MECOM: variants seen among roughly 807,000 people sequenced by gnomAD.
The protein encoded by MECOM is histone-lysine N-methyltransferase MECOM.
In MECOM, 13 loss-of-function variants were observed where a neutral mutation model predicts 116.3. The ratio of observed to expected loss-of-function variants is 0.11; its 90% CI spans 0.07 to 0.18. The LOEUF is 0.18. MECOM is among the 10% of genes least tolerant of loss of function. The pLI is 1.00. For missense variants in MECOM, 1,299 were observed against 1,509.0 expected, an observed-to-expected ratio of 0.86 and a Z score of 2.31; for synonymous variants, 528 against 535.2, an observed-to-expected ratio of 0.99 and a Z score of 0.19.
intron 2 of MECOM, among the ~76,000 whole-genome samples, chr3:169,315,407 T>G (rs1005819937): frequency 7.9e-5 from 12 of 152,334 alleles, no homozygotes; most frequent in Middle Eastern, 3.4e-3. Flanking sequence ...GCTCATGAGT[T>G]GAGAATCAAA....
At chr3:169,168,063 T>C (rs761762157) in intron 2 of MECOM, among the ~76,000 whole-genome samples, 5 of 152,164 alleles carry the variant, frequency 3.3e-5, no homozygotes, top group Non-Finnish European at 7.3e-5. Context: ...TGCAATTCTA[T>C]TGTTAAAAAA....
intron 3 of MECOM, among the ~76,000 whole-genome samples, chr3:169,137,210 C>T (rs903279255): frequency 5.3e-5 from 8 of 151,940 alleles, no homozygotes; most frequent in South Asian, 2.1e-4. Context: ...GGTAGGTAGC[C>T]GTTTGCATGT....
At chr3:169,595,608 C>T (rs1329015618) in intron 1 of MECOM, among the ~76,000 whole-genome samples, 3 of 152,176 alleles carry the variant, frequency 2.0e-5, no homozygotes, top group African/African-American at 7.2e-5. Flanking sequence ...TTAATGCTCA[C>T]AAACACAACT....
At chr3:169,164,199 T>C (rs1430864746) in intron 2 of MECOM, among the ~76,000 whole-genome samples, 1 of 152,144 alleles carries the variant, frequency 6.6e-6, no homozygotes, top group African/African-American at 2.4e-5. Flanking sequence ...GATTGAATTA[T>C]GAGGGTGGGT....
intron 2 of MECOM, among the ~76,000 whole-genome samples, chr3:169,245,742 G>T (rs975970903): frequency 1.3e-5 from 2 of 152,204 alleles, no homozygotes; most frequent in African/African-American, 4.8e-5. Context: ...CAAATTCTAC[G>T]CAGTACAGAG....
intron 2 of MECOM, among the ~76,000 whole-genome samples, chr3:169,199,457 A>G (rs13062416): frequency 0.096 from 14,660 of 152,090 alleles, 944 homozygotes; most frequent in Non-Finnish European, 0.14. Context: ...CCTGTCGCCC[A>G]GGCTGGAGTG....
At chr3:169,343,526 T>C (rs141292912) in intron 2 of MECOM, among the ~76,000 whole-genome samples, 30 of 152,320 alleles carry the variant, frequency 2.0e-4, no homozygotes, top group African/African-American at 7.0e-4. Context: ...AGGAATGTTG[T>C]ATTTTTTTAA....
chr3:169,184,710 T>C (rs1459293003), intron 2 of MECOM, among the ~76,000 whole-genome samples: 1 of 152,120 alleles, frequency 6.6e-6, no homozygotes, highest in East Asian at 1.9e-4. Flanking sequence ...ACTACTGCTA[T>C]GGACAACAGG....
intron 2 of MECOM, among the ~76,000 whole-genome samples, chr3:169,213,903 T>C (rs1246082330): frequency 7.2e-5 from 11 of 152,136 alleles, no homozygotes; most frequent in Non-Finnish European, 5.9e-5. Flanking sequence ...CTATATATTA[T>C]CTGAAATAAT....
chr3:169,472,533 A>AAAAGAAAAGG lies in MECOM; in HGVS notation c.38-91010_38-91009insCCTTTTCTTT, dbSNP rs1160223015. ...GAAAGGAAAGGAAAGAAAAGAAAAGAAAAGGAAAGGAAAGGAAAAGAAAAG... is the reference window on the plus strand; with the variant it reads ...GAAAGGAAAGGAAAGAAAAGAAAAGAAAAGAAAAGGAAAGGAAAGGAAAGGAAAAGAAAAG... On this transcript the variant is annotated intron_variant, in intron 1 of 16. Transcript: ENST00000651503. Among the ~76,000 whole-genome samples the AAAAGAAAAGG allele has an allele frequency of 5.5e-4, 47 of 85,160 alleles. 4 individuals carry two copies. Among genetic ancestry groups the AAAAGAAAAGG allele is most frequent in the Non-Finnish European group, 5.8e-4 (26 of 44,832 alleles). 55.9% of individuals were successfully genotyped at this position (85,160 alleles called of 152,430 possible).
intron 2 of MECOM, among the ~76,000 whole-genome samples, chr3:169,204,176 A>G (rs1749595447): frequency 6.6e-6 from 1 of 152,178 alleles, no homozygotes; most frequent in Non-Finnish European, 1.5e-5. Context: ...TTACCACAAC[A>G]TACTTAACAT....
intron 2 of MECOM, among the ~76,000 whole-genome samples, chr3:169,346,807 T>C (rs1408975413): frequency 1.3e-5 from 2 of 152,076 alleles, no homozygotes; most frequent in Non-Finnish European, 2.9e-5. Flanking sequence ...CAGCATATAG[T>C]TCCATATATA....
intron 1 of MECOM, among the ~76,000 whole-genome samples, chr3:169,469,698 C>A (rs1410495003): frequency 6.6e-6 from 1 of 151,986 alleles, no homozygotes; most frequent in Non-Finnish European, 1.5e-5. Context: ...ATGCATTTTT[C>A]CAGAAAAGTC....
chr3:169,275,723 A>G (rs1305278346), intron 2 of MECOM, among the ~76,000 whole-genome samples: 3 of 152,244 alleles, frequency 2.0e-5, no homozygotes, highest in African/African-American at 7.2e-5. Context: ...TCCAGAAACT[A>G]TACCATGTGA....
intron 1 of MECOM, among the ~76,000 whole-genome samples, chr3:169,552,072 C>A (rs556018902): frequency 1.3e-5 from 2 of 151,860 alleles, no homozygotes; most frequent in South Asian, 4.2e-4. Context: ...GTAAAGGCTT[C>A]TTTTTAGGAG....
At chr3:169,405,732 T>C (rs1035771867) in intron 1 of MECOM, among the ~76,000 whole-genome samples, 3 of 152,236 alleles carry the variant, frequency 2.0e-5, no homozygotes, top group Non-Finnish European at 2.9e-5. Context: ...CTGTTCCCCT[T>C]CCCCTAAATG....
chr3:169,116,930 A>G (rs1729340138), intron 7 of MECOM, among the ~76,000 whole-genome samples, 191 bp from the exon 8 acceptor site: 1 of 152,156 alleles, frequency 6.6e-6, no homozygotes, highest in African/African-American at 2.4e-5. Flanking sequence ...CCAACCTGAC[A>G]AATGTCTTGA....
rs1255613781 is a variant in MECOM at position 169,594,174 on chromosome 3, A to AAAAAAAAAAAAAAAAAAAAAC, written c.37+69161_37+69162insGTTTTTTTTTTTTTTTTTTTT. Among the ~76,000 whole-genome samples, 114 of 125,942 alleles carry AAAAAAAAAAAAAAAAAAAAAC rather than the reference A, an allele frequency of 9.1e-4. 5 individuals carry two copies. Among genetic ancestry groups the AAAAAAAAAAAAAAAAAAAAAC allele is most frequent in the African/African-American group, 1.3e-3 (39 of 31,100 alleles). 82.6% of individuals were successfully genotyped at this position (125,942 alleles called of 152,430 possible). A position where few individuals can be genotyped will look rare whatever the true frequency, so the allele number is the denominator to read the frequency against. On this transcript the variant is annotated intron_variant, in intron 1 of 16. Transcript: ENST00000651503. ...CACCACAAAAAAAAAAAAAAAAAAA[A>AAAAAAAAAAAAAAAAAAAAAC]AACACCTTTTCACCTAAGTACCTCA...
chr3:169,392,782 C>T (rs1367788733), intron 1 of MECOM, among the ~76,000 whole-genome samples: 1 of 152,182 alleles, frequency 6.6e-6, no homozygotes, highest in Non-Finnish European at 1.5e-5. Flanking sequence ...ATATGTACTA[C>T]ATCTTTAAAG....
Sources: allele counts gnomAD v4.1 joint callset (sites outside exome capture counted in the v4.1 genomes callset), GRCh38; gene constraint gnomAD v4.1.1; transcripts MANE v1.5; gene names NCBI Gene and HGNC (gene_info 2026-07-23, HGNC 2026-07-21).